ZNF737: variants seen among roughly 807,000 people sequenced by gnomAD.
ZNF737 encodes the protein zinc finger protein 737.
In ZNF737, 13 loss-of-function variants were observed where a neutral mutation model predicts 11.7. The ratio of observed to expected loss-of-function variants is 1.11; its 90% CI spans 0.73 to 1.77. The LOEUF is 1.77. ZNF737 is among the 40% of genes most tolerant of loss of function. The pLI, the probability that ZNF737 is intolerant of heterozygous loss-of-function variation, is 0.00. For missense variants in ZNF737, 636 were observed against 638.0 expected, an observed-to-expected ratio of 1.00 and a Z score of 0.03; for synonymous variants, 217 against 216.2, an observed-to-expected ratio of 1.00 and a Z score of -0.03.
At chr19:20,535,754 T>TGACCTCAACTGATCCACC (rs1229690916), downstream of ZNF737, 11 of 151,764 alleles carry the variant, frequency 7.2e-5, no homozygotes, top group African/African-American at 2.7e-4. Context: ...CTCAAACTCC[T>TGACCTCAACTGATCCACC]GACCTCAACT....
rs1968785738 is a variant in ZNF737 at position 20,553,811 on chromosome 19, C to T, written c.28G>A (p.Ala10Thr). 1.2e-6 allele frequency: 2 copies of T among 1,613,678 alleles called. No homozygotes were observed. The highest frequency in any genetic ancestry group is 1.7e-5 in the Admixed American group (1 of 59,914). Residue 10 changes from alanine to threonine, a missense_variant, in exon 2 of 4, where the codon GCC becomes ACC. Coordinates refer to ENST00000427401, the MANE Select transcript of ZNF737 (RefSeq NM_001159293.2). ...CACTCCTCCAGAGAGAATTCTATGG[C>T]CACGTCTCTAAATTGCAATGGCCCC... MGPLQFRDV[A>T]IEFSLEEWHC... is the part of the protein sequence containing the mutation.
intron 3 of ZNF737, among the ~76,000 whole-genome samples, chr19:20,550,668 T>C (rs536173765): frequency 2.0e-5 from 3 of 152,132 alleles, no homozygotes; most frequent in East Asian, 3.9e-4. Context: ...GGTTGGAAAA[T>C]TGCTTCAGGC....
chr19:20,540,932 AT>A lies in ZNF737; in HGVS notation c.*3659del, dbSNP rs1968178930. 8.2e-6 allele frequency: 8 copies of A among 973,056 alleles called. No individual in the cohort carries two copies. The highest frequency in any genetic ancestry group is 9.8e-6 in the Non-Finnish European group (8 of 818,772). 60.3% of individuals were successfully genotyped at this position (973,056 alleles called of 1,614,324 possible). ...TTCACACACACATAGAACAATAAAA[AT>A]ATATCCAATTATTCAATTTTGGTTG... On this transcript the variant is annotated 3_prime_UTR_variant, in exon 4 of 4. Transcript: ENST00000427401.
rs1366386176 is a variant in ZNF737 at position 20,553,985 on chromosome 19, ATATTCTCTAAAG to A, written c.4-162_4-151del. 1.3e-5 allele frequency: 12 copies of A among 957,186 alleles called. No homozygotes were observed. The East Asian group carries it at 1.3e-4, about 11-fold the overall frequency. The allele number at this position is 957,186 out of a possible 1,614,324, so 59.3% of individuals were successfully genotyped here. ...CAATAAAATAACTTTCAACACAGAA[ATATTCTCTAAAG>A]TATTCTCTGAGAAAAAAGAACAGCA... On this transcript the variant is annotated intron_variant, in intron 1 of 3. Transcript: ENST00000427401.
chr19:20,542,395 ATTT>A lies in ZNF737; in HGVS notation c.*2194_*2196del, dbSNP rs1175808514. 5.5e-6 allele frequency: 2 copies of A among 361,986 alleles called. No individual in the cohort carries two copies. The highest frequency in any genetic ancestry group is 7.7e-6 in the Non-Finnish European group (2 of 260,800). 22.4% of individuals were successfully genotyped at this position (361,986 alleles called of 1,614,324 possible). A position where few individuals can be genotyped will look rare whatever the true frequency, so the allele number is the denominator to read the frequency against. ...AGGCATGCACCACCATGCCTGGCTA[ATTT>A]TTTTTGTATTTTTAGTAGAGACTGG... is the stretch of plus-strand genomic sequence containing the variant. On this transcript the variant is annotated 3_prime_UTR_variant, in exon 4 of 4. Coordinates refer to ENST00000427401, the MANE Select transcript of ZNF737 (RefSeq NM_001159293.2).
rs3047010 is a variant in ZNF737 at position 20,548,962 on chromosome 19, G to GAAAAAAAAAAAA, written c.227-2998_227-2987dup. Among the ~76,000 whole-genome samples, 22 of 86,436 alleles carry GAAAAAAAAAAAA rather than the reference G, an allele frequency of 2.5e-4. 2 individuals carry two copies. The highest frequency in any genetic ancestry group is 7.2e-4 in the African/African-American group (14 of 19,378). 56.7% of individuals were successfully genotyped at this position (86,436 alleles called of 152,430 possible). A position where few individuals can be genotyped will look rare whatever the true frequency, so the allele number is the denominator to read the frequency against. Reference sequence around the variant, plus strand: ...AAGCAATTTTTTTTAAAGAAAAACTGAAAAAAAAAAAAAAAAAACAATTAT... The same window carrying GAAAAAAAAAAAA: ...AAGCAATTTTTTTTAAAGAAAAACTGAAAAAAAAAAAAAAAAAAAAAAAAAAAAAACAATTAT... On this transcript the variant is annotated intron_variant, in intron 3 of 3. Transcript: ENST00000427401.
chr19:20,556,772 G>A (rs1968904035), intron 1 of ZNF737, among the ~76,000 whole-genome samples: 1 of 152,178 alleles, frequency 6.6e-6, no homozygotes, highest in South Asian at 2.1e-4. Context: ...GTCTGAATAA[G>A]TCTGTTTTTA....
In ZNF737 at chr19:20,553,648, CAA is replaced by C. The variant is rs1395327145; in HGVS notation, c.130+59_130+60del. 366 of 1,506,776 alleles carry C rather than the reference CAA, an allele frequency of 2.4e-4. 1 individual carries two copies. The highest frequency in any genetic ancestry group is 1.9e-3 in the Middle Eastern group (11 of 5,726). 93.3% of individuals were successfully genotyped at this position (1,506,776 alleles called of 1,614,324 possible). ...AGAATAAATTACTAAAAAAATTCTA[CAA>C]GAGAGAGAAATAAAGTCTTTTGTGT... On this transcript the variant is annotated intron_variant, in intron 2 of 3. Coordinates refer to ENST00000427401, the MANE Select transcript of ZNF737 (RefSeq NM_001159293.2).
At chr19:20,564,663 AT>A (rs1193100020) in intron 1 of ZNF737, among the ~76,000 whole-genome samples, 9 of 151,396 alleles carry the variant, frequency 5.9e-5, no homozygotes, top group African/African-American at 2.0e-4. Context: ...AAAAAAAAAA[AT>A]AAAAATAATA....
downstream of ZNF737, among the ~76,000 whole-genome samples, chr19:20,531,381 T>A (rs964719600): frequency 8.7e-5 from 13 of 150,120 alleles, no homozygotes; most frequent in African/African-American, 3.2e-4. Flanking sequence ...GTGTATCTAT[T>A]AACATTTATG....
chr19:20,543,954 C>G lies in ZNF737; in HGVS notation c.*638G>C, dbSNP rs112775817. The G allele has an allele frequency of 2.4e-5, 16 of 674,468 alleles. No homozygotes were observed. The African/African-American group carries it at 2.8e-4, about 12-fold the overall frequency. The allele number at this position is 674,468 out of a possible 1,614,324, so 41.8% of individuals were successfully genotyped here. ...ACCAGCCTGGCAAACATGGCGAAGTCGCATCTCTACTAAAAATAAAAAAAT... is the reference window on the plus strand; with the variant it reads ...ACCAGCCTGGCAAACATGGCGAAGTGGCATCTCTACTAAAAATAAAAAAAT... On this transcript the variant is annotated 3_prime_UTR_variant, in exon 4 of 4. Coordinates refer to ENST00000427401, the MANE Select transcript of ZNF737 (RefSeq NM_001159293.2).
chr19:20,549,485 G>A (rs1168792939), intron 3 of ZNF737, among the ~76,000 whole-genome samples: 1 of 152,042 alleles, frequency 6.6e-6, no homozygotes, highest in Non-Finnish European at 1.5e-5. Context: ...AAAATTAGCT[G>A]AGCATGGTGG....
At position 20,540,063 on chromosome 19, in the gene ZNF737, T is replaced by TC. The variant is rs1341954728; in HGVS notation, c.*4528dup. 3.0e-6 allele frequency: 3 copies of TC among 985,280 alleles called. No homozygotes were observed. Among genetic ancestry groups the TC allele is most frequent in the Non-Finnish European group, 1.2e-6 (1 of 829,934 alleles). The allele number at this position is 985,280 out of a possible 1,614,324, so 61.0% of individuals were successfully genotyped here. Reference sequence around the variant, plus strand: ...TGAATGAATGAGATTCCCTTTTTTTTCCCTCTGCCATAGAATCCTCTTATG... The same window carrying TC: ...TGAATGAATGAGATTCCCTTTTTTTTCCCCTCTGCCATAGAATCCTCTTATG... On this transcript the variant is annotated 3_prime_UTR_variant, in exon 4 of 4. Coordinates refer to ENST00000427401, the MANE Select transcript of ZNF737 (RefSeq NM_001159293.2).
downstream of ZNF737, among the ~76,000 whole-genome samples, chr19:20,533,188 C>T (rs1413977196): frequency 6.7e-6 from 1 of 149,994 alleles, no homozygotes; most frequent in Non-Finnish European, 1.5e-5. Flanking sequence ...CACAACAAAG[C>T]CCAGTGCTTC....
At chr19:20,537,301 C>T (rs1968007952), downstream of ZNF737, among the ~76,000 whole-genome samples, 1 of 150,538 alleles carries the variant, frequency 6.6e-6, no homozygotes, top group Non-Finnish European at 1.5e-5. Context: ...ACAAGGTTCA[C>T]ACAACTCTTC....
At chr19:20,555,244 G>A (rs372950503) in intron 1 of ZNF737, among the ~76,000 whole-genome samples, 3 of 150,094 alleles carry the variant, frequency 2.0e-5, no homozygotes, top group African/African-American at 4.9e-5. Flanking sequence ...GTGCAGTGGC[G>A]CAACCTTGGC....
At chr19:20,551,919 C>A (rs12461869) in intron 3 of ZNF737, among the ~76,000 whole-genome samples, 1 of 142,870 alleles carries the variant, frequency 7.0e-6, no homozygotes, top group African/African-American at 2.6e-5. Context: ...AAATACAATT[C>A]TAAAATTTAC....
chr19:20,537,185 G>T (rs1032259768), downstream of ZNF737, among the ~76,000 whole-genome samples: 5 of 148,556 alleles, frequency 3.4e-5, no homozygotes, highest in Admixed American at 6.7e-5. Flanking sequence ...TTGGCTTAAG[G>T]TACTGGTTTT....
At chr19:20,563,182 T>TTTTTTTTTTTTTTTTTTTTTGACACGG (rs1555762915) in intron 1 of ZNF737, among the ~76,000 whole-genome samples, 5 of 141,776 alleles carry the variant, frequency 3.5e-5, no homozygotes, top group African/African-American at 1.0e-4. Flanking sequence ...CCTTTCATCT[T>TTTTTTTTTTTTTTTTTTTTTGACACGG]AACCTCAGCT....
Sources: allele counts gnomAD v4.1 joint callset (sites outside exome capture counted in the v4.1 genomes callset), GRCh38; gene constraint gnomAD v4.1.1; transcripts MANE v1.5; gene names NCBI Gene and HGNC (gene_info 2026-07-23, HGNC 2026-07-21).